The following RAI14 variants were observed in gnomAD, a reference collection of about 807,000 sequenced individuals.
The protein encoded by RAI14 is ankycorbin.
RAI14 carries 45 observed loss-of-function variants against 115.4 expected under a neutral mutation model. The observed-to-expected ratio is 0.39, with a 90% CI of 0.31 to 0.50. The LOEUF is 0.50. Among genes scored for constraint, RAI14 ranks in the 20% least tolerant of loss-of-function variants. RAI14 has a pLI of 0.85. For missense variants in RAI14, 939 were observed against 1,131.2 expected (o/e 0.83, Z 2.44); for synonymous variants, 371 against 415.4 (o/e 0.89, Z 1.30).
At chr5:34,808,680 C>A (rs764774594) in intron 7 of RAI14, 26 bp downstream of exon 7, 1 of 1,600,698 alleles carries the variant, frequency 6.2e-7, no homozygotes, top group Non-Finnish European at 8.6e-7. Context: ...TCACTAGAGG[C>A]AGAGGTAGAC....
chr5:34,796,391 C>G (rs1371704245), intron 4 of RAI14, among the ~76,000 whole-genome samples: 6 of 121,704 alleles, frequency 4.9e-5, no homozygotes, highest in African/African-American at 2.0e-4. Flanking sequence ...GAGCGAGACT[C>G]TGTCTCAAAA....
At chr5:34,807,923 TCAGGCCATTAACCTTC>T in intron 6 of RAI14, 66 bp downstream of exon 6, 2 of 1,274,642 alleles carry the variant, frequency 1.6e-6, no homozygotes. Context: ...TTTTCCTTAT[TCAGGCCATTAACCTTC>T]CATACTATTC....
chr5:34,748,743 C>T (rs929448915), intron 2 of RAI14, among the ~76,000 whole-genome samples: 1 of 151,748 alleles, frequency 6.6e-6, no homozygotes, highest in Non-Finnish European at 1.5e-5. Flanking sequence ...GGGAGGATCC[C>T]TTGAGCTCAG....
chr5:34,737,064 G>C (rs1279127913), intron 2 of RAI14, among the ~76,000 whole-genome samples: 2 of 152,156 alleles, frequency 1.3e-5, no homozygotes, highest in African/African-American at 4.8e-5. Flanking sequence ...TCTAGGTTGA[G>C]TACTCCTTAT....
At chr5:34,824,836 A>G (rs997589308) in intron 15 of RAI14, among the ~76,000 whole-genome samples, 2 of 151,376 alleles carry the variant, frequency 1.3e-5, no homozygotes, top group African/African-American at 2.4e-5. Flanking sequence ...CCCAGCTACA[A>G]GGGAGGCTGA....
At chr5:34,805,080 A>T (rs1246937392) in intron 5 of RAI14, among the ~76,000 whole-genome samples, 3 of 152,220 alleles carry the variant, frequency 2.0e-5, no homozygotes, top group Non-Finnish European at 4.4e-5. Flanking sequence ...TGAAGCCTTT[A>T]AACAGTTCCT....
chr5:34,823,994 C>T lies in RAI14; in HGVS notation c.2152C>T (p.Gln718Ter). Residue 718 changes from glutamine to a stop codon, truncating the protein, a stop_gained, in exon 15 of 18, where the codon CAA becomes TAA. Coordinates refer to ENST00000265109, the MANE Select transcript of RAI14 (RefSeq NM_015577.3). LOFTEE classifies it high-confidence loss of function. This position sits in a 1 kb window ranked among gnomAD's most constrained non-coding sequence, Gnocchi z 4.5. ...KVLNELTQLK[Q>*]LVDAQKENSV... ...GTTGAATGAGTTGACCCAGCTCAAA[C>T]AACTGGTGGATGCACAAAAAGAGAA... 6.2e-7 allele frequency: 1 copy of T among 1,613,966 alleles called. No individual in the cohort carries two copies. The highest frequency in any genetic ancestry group is 8.5e-7 in the Non-Finnish European group (1 of 1,179,876).
At chr5:34,671,001 A>C (rs1174508839) in intron 1 of RAI14, among the ~76,000 whole-genome samples, 1 of 152,188 alleles carries the variant, frequency 6.6e-6, no homozygotes, top group African/African-American at 2.4e-5. Context: ...CAGGGTAATA[A>C]TTTTTTGTTT....
rs79810872 is a variant in RAI14 at position 34,703,952 on chromosome 5, G to A, written c.36+16997G>A. On this transcript the variant is annotated intron_variant, in intron 2 of 17. Coordinates refer to ENST00000265109, the MANE Select transcript of RAI14 (RefSeq NM_015577.3). ...TCTTTGTTGTAGTTCAGTGTTCTCC[G>A]AGTGTGATGCCTGGACCATCAGTAT... Among the ~76,000 whole-genome samples the A allele has an allele frequency of 3.2e-3, 489 of 152,274 alleles. 7 individuals are homozygous for A. The highest frequency in any genetic ancestry group is 0.011 in the African/African-American group (461 of 41,560).
chr5:34,693,581 T>C (rs1039716120), intron 2 of RAI14, among the ~76,000 whole-genome samples: 6 of 152,190 alleles, frequency 3.9e-5, no homozygotes, highest in African/African-American at 1.4e-4. Context: ...GTAAAGACCA[T>C]TGCTACAATG....
rs543731235 is a variant in RAI14 at position 34,740,225 on chromosome 5, T to C, written c.37-17243T>C. Reference sequence around the variant, plus strand: ...CAAAAGCATTCATATTATTATTTCATTGTTTTAACAATAAATAGACTCATT... The same window carrying C: ...CAAAAGCATTCATATTATTATTTCACTGTTTTAACAATAAATAGACTCATT... On this transcript the variant is annotated intron_variant, in intron 2 of 17. Coordinates refer to ENST00000265109, the MANE Select transcript of RAI14 (RefSeq NM_015577.3). Among the ~76,000 whole-genome samples the C allele has an allele frequency of 5.3e-5, 8 of 152,340 alleles. No homozygotes were observed. The East Asian group carries it at 1.5e-3, about 29-fold the overall frequency.
intron 4 of RAI14, among the ~76,000 whole-genome samples, chr5:34,797,415 G>A (rs979507210): frequency 6.7e-6 from 1 of 150,358 alleles, no homozygotes; most frequent in Non-Finnish European, 1.5e-5. Flanking sequence ...CTCAGTGGTT[G>A]GGAATCTTTA....
At chr5:34,660,228 T>G (rs1742587454) in intron 1 of RAI14, among the ~76,000 whole-genome samples, 2 of 151,400 alleles carry the variant, frequency 1.3e-5, no homozygotes, top group South Asian at 4.2e-4. Context: ...AGGTCAGGAG[T>G]TCGAGACCAG....
At position 34,827,400 on chromosome 5, in the gene RAI14, AT is replaced by A. The variant is rs1757560554; in HGVS notation, c.2799+924del. Among the ~76,000 whole-genome samples the A allele has an allele frequency of 2.0e-5, 3 of 152,200 alleles. No homozygotes were observed. Among genetic ancestry groups the A allele is most frequent in the African/African-American group, 4.8e-5 (2 of 41,450 alleles). The stretch of plus-strand genomic sequence containing the variant: ...ATGTGGACATCTTTCAAGAGCCATT[AT>A]TTAGCTTACCACAATATCTGTTAAG... On this transcript the variant is annotated intron_variant, in intron 16 of 17. Transcript: ENST00000265109. This position sits in a 1 kb window ranked among gnomAD's most constrained non-coding sequence, Gnocchi z 4.2.
chr5:34,748,828 A>AG (rs1247555116), intron 2 of RAI14, among the ~76,000 whole-genome samples: 1 of 151,852 alleles, frequency 6.6e-6, no homozygotes, highest in Non-Finnish European at 1.5e-5. Flanking sequence ...TAAAAAAAAA[A>AG]AAAGAAAATT....
rs1757126034 is a variant in RAI14, at chr5:34,823,468, A to G, written c.1626A>G (p.Ala542=). Residue 542 remains alanine (A), a synonymous_variant, in exon 15 of 18, where the codon GCA becomes GCG. Coordinates refer to ENST00000265109, the MANE Select transcript of RAI14 (RefSeq NM_015577.3). This position sits in a 1 kb window ranked among gnomAD's most constrained non-coding sequence, Gnocchi z 4.5. ...INVLKQDLQN[A]LEESERNKEK... ...TGCTAAAGCAGGATCTGCAGAATGCATTAGAAGAAAGTGAAAGAAATAAAG... is the reference window on the plus strand; with the variant it reads ...TGCTAAAGCAGGATCTGCAGAATGCGTTAGAAGAAAGTGAAAGAAATAAAG... 6.2e-7 allele frequency: 1 copy of G among 1,614,204 alleles called. No individual in the cohort carries two copies. Among genetic ancestry groups the G allele is most frequent in the Non-Finnish European group, 8.5e-7 (1 of 1,180,040 alleles).
chr5:34,789,717 G>A (rs1430865412), intron 3 of RAI14, among the ~76,000 whole-genome samples: 1 of 152,112 alleles, frequency 6.6e-6, no homozygotes, highest in South Asian at 2.1e-4. Flanking sequence ...GCCATGCTTT[G>A]TGTTGGTGAG....
At chr5:34,778,211 T>C (rs11949840) in intron 3 of RAI14, among the ~76,000 whole-genome samples, 4,119 of 152,326 alleles carry the variant, frequency 0.027, 195 homozygotes, top group African/African-American at 0.094. Flanking sequence ...CTATGTTTAG[T>C]GTAGTGCTAC....
In RAI14 at chr5:34,795,855, G is replaced by A. The variant is rs566164742; in HGVS notation, c.168-84G>A. On this transcript the variant is annotated intron_variant, in intron 3 of 17. Transcript: ENST00000265109. Reference sequence around the variant, plus strand: ...AGGAAGAGAAAGTGTACATGAAATGGCGGGGGGCGGGGGGGAAACTCTGTT... The same window carrying A: ...AGGAAGAGAAAGTGTACATGAAATGACGGGGGGCGGGGGGGAAACTCTGTT... 1.8e-5 allele frequency: 19 copies of A among 1,078,790 alleles called. No homozygotes were observed. The Middle Eastern group carries it at 6.2e-4, about 35-fold the overall frequency. 66.8% of individuals were successfully genotyped at this position (1,078,790 alleles called of 1,614,324 possible).
Sources: gnomAD v4.1 joint callset for allele counts (sites outside exome capture counted in the v4.1 genomes callset) on GRCh38, gnomAD v4.1.1 for gene constraint, Gnocchi (gnomAD v3.1) non-coding constraint, MANE v1.5 for transcripts, NCBI Gene and HGNC (gene_info 2026-07-23, HGNC 2026-07-21) for gene names.